Variants in LARS2 observed in about 807,000 individuals in gnomAD.
The protein encoded by LARS2 is leucyl-tRNA synthetase 2, mitochondrial, also known as leucine--tRNA ligase, mitochondrial.
In LARS2, 81 loss-of-function variants were observed where a neutral mutation model predicts 116.6. The observed-to-expected ratio is 0.69, with a 90% CI of 0.58 to 0.84. LARS2 has a LOEUF of 0.84. Among genes scored for constraint, LARS2 ranks in the 40% least tolerant of loss-of-function variants. LARS2 has a pLI of 0.00. For missense variants in LARS2, 968 were observed against 1,114.5 expected (o/e 0.87, Z 1.87); for synonymous variants, 396 against 407.2 (o/e 0.97, Z 0.33).
rs946034548 is a variant in LARS2, at chr3:45,408,786, A to G, written c.363+8413A>G. 7.3e-4 allele frequency among the ~76,000 whole-genome samples: 111 copies of G among 152,164 alleles called. 1 individual carries two copies. Among genetic ancestry groups the G allele is most frequent in the African/African-American group, 2.6e-3 (107 of 41,418 alleles). On this transcript the variant is annotated intron_variant, in intron 4 of 21. Transcript: ENST00000645846. ...CCTGCCCTTCCAAACTGCTAGGTAG[A>G]TTCACCCATTTCCTTGGCTTCCCAC...
At chr3:45,428,353 C>T (rs1040232447) in intron 6 of LARS2, among the ~76,000 whole-genome samples, 4 of 145,580 alleles carry the variant, frequency 2.7e-5, no homozygotes, top group African/African-American at 1.0e-4. Flanking sequence ...ACGCCATTCT[C>T]CTGCCTCAGC....
chr3:45,436,182 A>G (rs989589850), intron 6 of LARS2, among the ~76,000 whole-genome samples: 2 of 152,124 alleles, frequency 1.3e-5, no homozygotes, highest in African/African-American at 4.8e-5. Flanking sequence ...TTGATGATTG[A>G]TATTTCCTCT....
intron 21 of LARS2, among the ~76,000 whole-genome samples, chr3:45,546,455 G>T (rs1700877275): frequency 6.6e-6 from 1 of 152,180 alleles, no homozygotes; most frequent in Non-Finnish European, 1.5e-5. Flanking sequence ...TGTGACCTAG[G>T]CTAATGCAGA....
chr3:45,531,241 TA>T (rs201711221), intron 20 of LARS2, among the ~76,000 whole-genome samples: 1 of 152,118 alleles, frequency 6.6e-6, no homozygotes, highest in Admixed American at 6.5e-5. Context: ...TGTAGACTGA[TA>T]AAAAACTATA....
chr3:45,473,650 C>T (rs1369162385), intron 8 of LARS2, among the ~76,000 whole-genome samples: 2 of 150,126 alleles, frequency 1.3e-5, no homozygotes, highest in Non-Finnish European at 3.0e-5. Context: ...TGCCAAAGTG[C>T]TGATATTACA....
At chr3:45,533,139 G>GTT (rs1559499579) in intron 20 of LARS2, among the ~76,000 whole-genome samples, 6 of 86,418 alleles carry the variant, frequency 6.9e-5, no homozygotes, top group African/African-American at 2.5e-4. Context: ...GTCACATTAA[G>GTT]TCTTTTTTTT....
rs1174918037 is a variant in LARS2 at position 45,436,151 on chromosome 3, T to C, written c.517-10740T>C. On this transcript the variant is annotated intron_variant, in intron 6 of 21. Transcript: ENST00000645846. ...AAACGGCTCATTTTGGGCACTGCTGTCACTGTTTGCATCCGTGGAATTGAT... is the reference window on the plus strand; with the variant it reads ...AAACGGCTCATTTTGGGCACTGCTGCCACTGTTTGCATCCGTGGAATTGAT... Among the ~76,000 whole-genome samples the C allele has an allele frequency of 2.0e-5, 3 of 152,310 alleles. No individual in the cohort carries two copies. The East Asian group carries it at 5.8e-4, about 29-fold the overall frequency.
intron 6 of LARS2, among the ~76,000 whole-genome samples, chr3:45,429,194 A>C (rs1007269532): frequency 2.6e-4 from 39 of 152,224 alleles, no homozygotes; most frequent in African/African-American, 9.4e-4. Flanking sequence ...ATTATCTGAC[A>C]GTTTCTGTAG....
chr3:45,446,818 T>C, intron 6 of LARS2, 73 bp from the exon 7 acceptor site: 1 of 845,850 alleles, frequency 1.2e-6, no homozygotes, highest in Admixed American at 2.4e-5. Flanking sequence ...AAAATTCAGT[T>C]GCAAGACTGA....
At chr3:45,444,124 C>T (rs1422107663) in intron 6 of LARS2, among the ~76,000 whole-genome samples, 1 of 151,198 alleles carries the variant, frequency 6.6e-6, no homozygotes, top group African/African-American at 2.4e-5. Flanking sequence ...CCTGCCTCAG[C>T]CTCCCAAGTA....
At chr3:45,468,619 A>G (rs912630288) in intron 8 of LARS2, among the ~76,000 whole-genome samples, 1 of 152,186 alleles carries the variant, frequency 6.6e-6, no homozygotes, top group African/African-American at 2.4e-5. Context: ...TAGTGGTGAC[A>G]TTTGAGAACC....
chr3:45,455,914 G>A (rs1699206044), intron 7 of LARS2, among the ~76,000 whole-genome samples: 1 of 152,080 alleles, frequency 6.6e-6, no homozygotes, highest in African/African-American at 2.4e-5. Flanking sequence ...AAAATCATGT[G>A]ATCTCACTTA....
chr3:45,410,308 CTTT>C (rs35327145), intron 4 of LARS2, among the ~76,000 whole-genome samples: 108 of 135,708 alleles, frequency 8.0e-4, no homozygotes, highest in Non-Finnish European at 9.2e-4. Flanking sequence ...GCATTGGATT[CTTT>C]TTTTTTTTTT....
intron 6 of LARS2, among the ~76,000 whole-genome samples, chr3:45,430,686 G>A (rs966759188): frequency 2.1e-5 from 3 of 146,022 alleles, no homozygotes; most frequent in Non-Finnish European, 4.5e-5. Context: ...CCGAGTTCAC[G>A]TCATTCTCCT....
rs151211450 is a variant in LARS2, at chr3:45,414,038, C to T, written c.364-3444C>T. Among the ~76,000 whole-genome samples, 398 of 152,254 alleles carry T rather than the reference C, an allele frequency of 2.6e-3. 2 individuals are homozygous for T. The highest frequency in any genetic ancestry group is 9.1e-3 in the African/African-American group (376 of 41,540). On this transcript the variant is annotated intron_variant, in intron 4 of 21. Transcript: ENST00000645846. ...ATGCCATTTGGCTGTATATGTCAAACGTCTTAAAATTTTTCATACCCTTTT... is the reference window on the plus strand; with the variant it reads ...ATGCCATTTGGCTGTATATGTCAAATGTCTTAAAATTTTTCATACCCTTTT...
chr3:45,450,963 T>C (rs1210579496), intron 7 of LARS2, among the ~76,000 whole-genome samples: 5 of 152,216 alleles, frequency 3.3e-5, no homozygotes, highest in South Asian at 2.1e-4. Context: ...TTTTTTCATA[T>C]ACCTTTTAGC....
At chr3:45,492,800 G>A (rs565682519) in intron 13 of LARS2, among the ~76,000 whole-genome samples, 161 of 152,306 alleles carry the variant, frequency 1.1e-3, no homozygotes, top group Middle Eastern at 3.4e-3. Context: ...ATCCAGCCAG[G>A]GACTTGCCAG....
intron 7 of LARS2, among the ~76,000 whole-genome samples, chr3:45,455,403 A>G (rs972155155): frequency 1.3e-5 from 2 of 152,050 alleles, no homozygotes; most frequent in Admixed American, 6.6e-5. Flanking sequence ...TGTTTCATAC[A>G]GTTTTAGTTG....
intron 7 of LARS2, among the ~76,000 whole-genome samples, chr3:45,448,941 C>T (rs574998548): frequency 5.9e-5 from 9 of 152,318 alleles, no homozygotes; most frequent in African/African-American, 2.2e-4. Context: ...ATTTTGGGGG[C>T]TTGTTCCCAA....
Sources: allele counts gnomAD v4.1 joint callset (sites outside exome capture counted in the v4.1 genomes callset), GRCh38; gene constraint gnomAD v4.1.1; transcripts MANE v1.5; gene names NCBI Gene and HGNC (gene_info 2026-07-23, HGNC 2026-07-21).